The following MAGI2 variants were observed in gnomAD, a reference collection of about 807,000 sequenced individuals.
MAGI2 encodes the protein membrane-associated guanylate kinase, WW and PDZ domain-containing protein 2.
In MAGI2, 35 loss-of-function variants were observed where a neutral mutation model predicts 133.3. The observed-to-expected ratio is 0.26, with a 90% confidence interval of 0.20 to 0.35. The LOEUF is 0.35. Ranked by LOEUF, MAGI2 falls within the 10% of genes least tolerant of loss-of-function variation. The probability of loss-of-function intolerance (pLI) is 1.00; values close to 1 mark genes in which losing one functional copy is unlikely to be tolerated. For synonymous variants in MAGI2, 729 were observed against 710.6 expected, an observed-to-expected ratio of 1.03 and a Z score of -0.41; for missense variants, 1,636 against 1,863.4, an observed-to-expected ratio of 0.88 and a Z score of 2.25.
intron 1 of MAGI2, among the ~76,000 whole-genome samples, chr7:79,288,268 G>A (rs73151266): frequency 0.056 from 8,540 of 152,144 alleles, 455 homozygotes; most frequent in East Asian, 0.21. Context: ...AATTATAATA[G>A]TGTCTACCTT....
intron 7 of MAGI2, among the ~76,000 whole-genome samples, chr7:78,363,161 G>A (rs551197454): frequency 6.6e-6 from 1 of 152,232 alleles, no homozygotes; most frequent in Admixed American, 6.5e-5. Flanking sequence ...AAGGCTCAAC[G>A]CCTTTGGAAG....
intron 2 of MAGI2, among the ~76,000 whole-genome samples, chr7:78,957,967 T>C (rs1196475423): frequency 5.9e-5 from 9 of 152,190 alleles, no homozygotes; most frequent in Non-Finnish European, 1.2e-4. Context: ...CTTTTACTTG[T>C]GTGTCATTGA....
intron 3 of MAGI2, among the ~76,000 whole-genome samples, chr7:78,560,053 G>GA (rs1297583145): frequency 6.6e-6 from 1 of 151,908 alleles, no homozygotes; most frequent in East Asian, 1.9e-4. Context: ...GATGACAAAA[G>GA]AAAAAAATAT....
intron 1 of MAGI2, among the ~76,000 whole-genome samples, chr7:79,350,563 A>G (rs540502473): frequency 2.0e-5 from 3 of 152,218 alleles, no homozygotes; most frequent in East Asian, 3.9e-4. Context: ...GTTCTGTTTT[A>G]ATTACAGATG....
intron 1 of MAGI2, among the ~76,000 whole-genome samples, chr7:79,230,202 T>G (rs1585264226): frequency 2.7e-5 from 4 of 150,132 alleles, no homozygotes; most frequent in Middle Eastern, 3.5e-3. Flanking sequence ...TGTTGGACAT[T>G]TGGGTTGGTT....
chr7:79,007,298 T>G, intron 1 of MAGI2, 92 bp from the exon 2 acceptor site: 2 of 673,600 alleles, frequency 3.0e-6, no homozygotes, highest in South Asian at 3.8e-5. Flanking sequence ...AGGAACCCAT[T>G]AAAAAGATGC....
intron 14 of MAGI2, among the ~76,000 whole-genome samples, chr7:78,171,135 T>A (rs1038760880): frequency 8.6e-5 from 13 of 151,258 alleles, no homozygotes; most frequent in East Asian, 5.8e-4. Context: ...GCTCGATATA[T>A]CTCTCTATTC....
chr7:79,217,342 G>A (rs1451857638), intron 1 of MAGI2, among the ~76,000 whole-genome samples: 3 of 151,914 alleles, frequency 2.0e-5, no homozygotes, highest in Non-Finnish European at 4.4e-5. Flanking sequence ...TTATACTTTA[G>A]TCCCTATCAT....
intron 16 of MAGI2, among the ~76,000 whole-genome samples, chr7:78,143,933 T>G (rs908127947): frequency 6.6e-6 from 1 of 151,886 alleles, no homozygotes; most frequent in African/African-American, 2.4e-5. Flanking sequence ...AGTTTTTTTT[T>G]TTTTTTGGCC....
At chr7:78,366,169 CA>C (rs1793359170) in intron 7 of MAGI2, among the ~76,000 whole-genome samples, 1 of 152,092 alleles carries the variant, frequency 6.6e-6, no homozygotes, top group African/African-American at 2.4e-5. Flanking sequence ...ATTAGTAAAT[CA>C]ACATTTTCTT....
intron 1 of MAGI2, among the ~76,000 whole-genome samples, chr7:79,430,380 T>A (rs1847695590): frequency 6.6e-6 from 1 of 152,202 alleles, no homozygotes; most frequent in African/African-American, 2.4e-5. Flanking sequence ...TCCTTCTGAA[T>A]CCTCAAATTT....
At chr7:78,068,304 G>A (rs1167914827) in intron 21 of MAGI2, among the ~76,000 whole-genome samples, 1 of 152,136 alleles carries the variant, frequency 6.6e-6, no homozygotes, top group Non-Finnish European at 1.5e-5. Flanking sequence ...ATGCTCCCGT[G>A]CCCACTGCTC....
intron 1 of MAGI2, among the ~76,000 whole-genome samples, chr7:79,245,899 T>G (rs1037067802): frequency 7.2e-5 from 11 of 152,152 alleles, no homozygotes; most frequent in Non-Finnish European, 1.5e-5. Context: ...GGAGTCACCC[T>G]TCCCCCAGCA....
rs1585840184 is a variant in MAGI2, at chr7:79,399,079, C to CTTTTCTTTTTTTTTTT, written c.301+53940_301+53941insAAAAAAAAAAAGAAAA. On this transcript the variant is annotated intron_variant, in intron 1 of 21. Coordinates refer to ENST00000354212, the MANE Select transcript of MAGI2 (RefSeq NM_012301.4). ...CATCTTCAATTCACTAGTATTATTTCTTTTTTTTTTCTTTTCTTTTTTTTT... is the reference window on the plus strand; with the variant it reads ...CATCTTCAATTCACTAGTATTATTTCTTTTCTTTTTTTTTTTTTTTTTTTTTCTTTTCTTTTTTTTT... 1.8e-3 allele frequency among the ~76,000 whole-genome samples: 210 copies of CTTTTCTTTTTTTTTTT among 114,608 alleles called. 16 individuals are homozygous for CTTTTCTTTTTTTTTTT. Among genetic ancestry groups the CTTTTCTTTTTTTTTTT allele is most frequent in the East Asian group, 0.013 (43 of 3,404 alleles). The allele number at this position is 114,608 out of a possible 152,430, so 75.2% of individuals were successfully genotyped here.
intron 2 of MAGI2, among the ~76,000 whole-genome samples, chr7:78,916,014 TAA>T (rs1471510883): frequency 6.6e-6 from 1 of 152,076 alleles, no homozygotes; most frequent in Non-Finnish European, 1.5e-5. Context: ...CGTTTTTATA[TAA>T]GAGAGATGGA....
At chr7:78,280,860 A>AC (rs1248274777) in intron 9 of MAGI2, among the ~76,000 whole-genome samples, 1 of 151,008 alleles carries the variant, frequency 6.6e-6, no homozygotes, top group Non-Finnish European at 1.5e-5. Flanking sequence ...ATACAAAAAA[A>AC]AAAAAAAAAA....
intron 1 of MAGI2, among the ~76,000 whole-genome samples, chr7:79,436,222 C>A (rs1848134336): frequency 8.1e-6 from 1 of 123,878 alleles, no homozygotes; most frequent in African/African-American, 3.4e-5. Context: ...AAGACTTCAC[C>A]TCAAAAAAAA....
chr7:79,198,043 T>A lies in MAGI2; in HGVS notation c.302-190837A>T, dbSNP rs1038334609. Among the ~76,000 whole-genome samples, 8 of 151,780 alleles carry A rather than the reference T, an allele frequency of 5.3e-5. No individual in the cohort carries two copies. The East Asian group carries it at 1.4e-3, about 26-fold the overall frequency. ...GAGAGGATCACTTGAGGCCAGGAGCTTGAGAGCAGCCTGGGCAATATAGTG... is the reference window on the plus strand; with the variant it reads ...GAGAGGATCACTTGAGGCCAGGAGCATGAGAGCAGCCTGGGCAATATAGTG... On this transcript the variant is annotated intron_variant, in intron 1 of 21. Coordinates refer to ENST00000354212, the MANE Select transcript of MAGI2 (RefSeq NM_012301.4).
At chr7:79,353,539 C>G (rs1336124643) in intron 1 of MAGI2, 2 of 453,026 alleles carry the variant, frequency 4.4e-6, no homozygotes, top group Non-Finnish European at 8.9e-6. Flanking sequence ...CTATGGCCAC[C>G]ACTGCTTCAA....
Sources: gnomAD v4.1 joint callset for allele counts (sites outside exome capture counted in the v4.1 genomes callset) on GRCh38, gnomAD v4.1.1 for gene constraint, MANE v1.5 for transcripts, NCBI Gene and HGNC (gene_info 2026-07-23, HGNC 2026-07-21) for gene names.